The following PPARG variants were observed in gnomAD, a reference collection of about 807,000 sequenced individuals.
PPARG encodes the protein peroxisome proliferator activated receptor gamma.
PPARG carries 17 observed loss-of-function variants against 39.2 expected under a neutral mutation model. The observed-to-expected ratio is 0.43, with a 90% confidence interval of 0.30 to 0.65. The LOEUF (loss-of-function observed/expected upper bound fraction) is 0.65. Among genes scored for constraint, PPARG ranks in the 30% least tolerant of loss-of-function variants. The pLI is 0.13. For missense variants in PPARG, 406 were observed against 585.9 expected (o/e 0.69, Z 3.17); for synonymous variants, 223 against 215.7 (o/e 1.03, Z -0.30).
intron 2 of PPARG, among the ~76,000 whole-genome samples, chr3:12,329,377 G>A (rs1342814898): frequency 6.6e-6 from 1 of 152,148 alleles, no homozygotes; most frequent in African/African-American, 2.4e-5. Context: ...TAATTAACAT[G>A]AGCTGTAGAA....
At chr3:12,292,155 A>T (rs1235537467) in intron 1 of PPARG, among the ~76,000 whole-genome samples, 1 of 152,188 alleles carries the variant, frequency 6.6e-6, no homozygotes, top group African/African-American at 2.4e-5. Context: ...GGAATATTTT[A>T]TTATCATTCA....
At chr3:12,313,999 A>G (rs2047321174) in intron 2 of PPARG, among the ~76,000 whole-genome samples, 1 of 152,196 alleles carries the variant, frequency 6.6e-6, no homozygotes, top group Non-Finnish European at 1.5e-5. Context: ...GAGGTGGGCC[A>G]GGCATGGTGG....
chr3:12,387,421 C>T (rs1479805958), intron 4 of PPARG, among the ~76,000 whole-genome samples: 6 of 152,142 alleles, frequency 3.9e-5, no homozygotes, highest in South Asian at 2.1e-4. Flanking sequence ...TTCTAAGTGG[C>T]GTGAGATGGT....
chr3:12,298,277 C>T (rs1459806156), intron 1 of PPARG, among the ~76,000 whole-genome samples: 1 of 104,382 alleles, frequency 9.6e-6, no homozygotes, highest in Admixed American at 1.5e-4. Flanking sequence ...CCAGCCTGGG[C>T]GACAGAGCGA....
In PPARG at chr3:12,336,771, A is replaced by C. The variant is rs899464610; in HGVS notation, c.-9+24318A>C. ...TGGGAAAAGAAGGTAAGGAAGAAGA[A>C]TATTTGAACAAAGGCCTTTAGGTTT... On this transcript the variant is annotated intron_variant, in intron 2 of 7. Coordinates refer to ENST00000651735, the MANE Select transcript of PPARG (RefSeq NM_138711.6). Among the ~76,000 whole-genome samples the C allele has an allele frequency of 2.0e-5, 3 of 152,352 alleles. No individual in the cohort carries two copies. The South Asian group carries it at 6.2e-4, about 32-fold the overall frequency.
At chr3:12,368,980 CCTCT>C (rs2049116128) in intron 2 of PPARG, among the ~76,000 whole-genome samples, 1 of 152,034 alleles carries the variant, frequency 6.6e-6, no homozygotes, top group Non-Finnish European at 1.5e-5. Flanking sequence ...AGAGTTACTC[CCTCT>C]GTTAGGAGAA....
chr3:12,382,883 A>T (rs1437506196), intron 4 of PPARG, among the ~76,000 whole-genome samples: 1 of 152,164 alleles, frequency 6.6e-6, no homozygotes, highest in Admixed American at 6.5e-5. Flanking sequence ...AGGTAAGAGG[A>T]TCCCTTGATC....
At chr3:12,402,472 T>C (rs2050511240) in intron 5 of PPARG, among the ~76,000 whole-genome samples, 1 of 152,224 alleles carries the variant, frequency 6.6e-6, no homozygotes, top group African/African-American at 2.4e-5. Context: ...ACTATGTGTA[T>C]TTTGTTACAC....
intron 2 of PPARG, among the ~76,000 whole-genome samples, chr3:12,366,583 T>C (rs1349474372): frequency 6.6e-6 from 1 of 152,148 alleles, no homozygotes; most frequent in Admixed American, 6.5e-5. Context: ...TATGTTTTGT[T>C]TGTAGATGTT....
intron 7 of PPARG, among the ~76,000 whole-genome samples, chr3:12,427,211 A>AGGCCCACTGTGATTCTGATGG: frequency 6.6e-6 from 1 of 151,822 alleles, no homozygotes; most frequent in Middle Eastern, 3.4e-3. Flanking sequence ...ACTTTGCTGA[A>AGGCCCACTGTGATTCTGATGG]TTGGATCAGA....
intron 5 of PPARG, among the ~76,000 whole-genome samples, chr3:12,397,075 T>A (rs1212834891): frequency 1.3e-5 from 2 of 152,000 alleles, no homozygotes; most frequent in African/African-American, 4.8e-5. Context: ...AACATTGAGA[T>A]TTGGTTAAAA....
rs4135316 is a variant in PPARG, at chr3:12,367,322, C to T, written c.-8-12382C>T. ...CTGTTCAACAGATTTAGCCTTAGTC[C>T]TAATCAGATTATTAGTAATATCTCC... On this transcript the variant is annotated intron_variant, in intron 2 of 7. Coordinates refer to ENST00000651735, the MANE Select transcript of PPARG (RefSeq NM_138711.6). Among the ~76,000 whole-genome samples, 893 of 152,212 alleles carry T rather than the reference C, an allele frequency of 5.9e-3. 11 individuals are homozygous for T. The highest frequency in any genetic ancestry group is 0.02 in the African/African-American group (814 of 41,522).
chr3:12,346,752 A>G (rs774784087), intron 2 of PPARG, among the ~76,000 whole-genome samples: 12 of 151,872 alleles, frequency 7.9e-5, no homozygotes, highest in Admixed American at 2.6e-4. Flanking sequence ...CTCCTGCCTC[A>G]GCCTCTCAAG....
intron 6 of PPARG, among the ~76,000 whole-genome samples, chr3:12,408,583 T>G (rs1454613609): frequency 6.7e-6 from 1 of 150,120 alleles, no homozygotes; most frequent in Non-Finnish European, 1.5e-5. Context: ...TTTTTTTTTT[T>G]TTTGAGGTGG....
At chr3:12,402,452 T>C (rs1245775614) in intron 5 of PPARG, among the ~76,000 whole-genome samples, 1 of 152,224 alleles carries the variant, frequency 6.6e-6, no homozygotes, top group Non-Finnish European at 1.5e-5. Flanking sequence ...CAAACATTTA[T>C]TGTTAACCTA....
intron 1 of PPARG, among the ~76,000 whole-genome samples, chr3:12,311,134 C>CA (rs1223675628): frequency 1.3e-5 from 2 of 152,090 alleles, no homozygotes; most frequent in East Asian, 3.9e-4. Flanking sequence ...GACAGGGTCT[C>CA]ACTCTGTTGC....
chr3:12,381,373 A>G lies in PPARG; in HGVS notation c.272A>G (p.Gln91Arg), dbSNP rs781368576. Residue 91 changes from glutamine to arginine, a missense_variant, in exon 4 of 8, where the codon CAG (glutamine) becomes CGG (arginine). Coordinates refer to ENST00000651735, the MANE Select transcript of PPARG (RefSeq NM_138711.6). ...ASPPYYSEKT[Q>R]LYNKPHEEPS... ...CCACCTTATTATTCTGAGAAGACTC[A>G]GCTCTACAATAAGCCTCATGAAGAG... 6.2e-7 allele frequency: 1 copy of G among 1,613,464 alleles called. No individual in the cohort carries two copies. The highest frequency in any genetic ancestry group is 8.5e-7 in the Non-Finnish European group (1 of 1,179,710).
chr3:12,297,417 C>T (rs2046814940), intron 1 of PPARG, among the ~76,000 whole-genome samples: 1 of 152,022 alleles, frequency 6.6e-6, no homozygotes, highest in African/African-American at 2.4e-5. Flanking sequence ...TTCTCTCTTT[C>T]CCAAAGTTTA....
At chr3:12,366,626 A>G (rs2049026546) in intron 2 of PPARG, among the ~76,000 whole-genome samples, 1 of 151,938 alleles carries the variant, frequency 6.6e-6, no homozygotes, top group Admixed American at 6.6e-5. Flanking sequence ...ATTTTGTCAA[A>G]TTCTTTTTCT....
Sources: allele counts gnomAD v4.1 joint callset (sites outside exome capture counted in the v4.1 genomes callset), GRCh38; gene constraint gnomAD v4.1.1; transcripts MANE v1.5; gene names NCBI Gene and HGNC (gene_info 2026-07-23, HGNC 2026-07-21).